LCLAT1: variants seen among roughly 807,000 people sequenced by gnomAD.
LCLAT1 encodes 1-AGP acyltransferase 8.
Under a neutral mutation model 30.7 loss-of-function variants are expected in LCLAT1, and 11 were observed. The observed-to-expected ratio is 0.36, with a 90% confidence interval of 0.23 to 0.59. The LOEUF is 0.59. LCLAT1 is among the 20% of genes least tolerant of loss of function. The pLI, the probability that LCLAT1 is intolerant of heterozygous loss-of-function variation, is 0.77. For missense variants in LCLAT1, 402 were observed against 458.6 expected, an observed-to-expected ratio of 0.88 and a Z score of 1.13; for synonymous variants, 155 against 151.3, an observed-to-expected ratio of 1.02 and a Z score of -0.18.
intron 1 of LCLAT1, among the ~76,000 whole-genome samples, chr2:30,491,507 A>G (rs1160070634): frequency 2.6e-5 from 4 of 152,088 alleles, no homozygotes; most frequent in Non-Finnish European, 4.4e-5. Context: ...TCTGTTAACC[A>G]TTGTGTGGTA....
In LCLAT1 at chr2:30,572,975, C is replaced by T. The variant is rs1226949937; in HGVS notation, c.628+4799C>T. Among the ~76,000 whole-genome samples, 6 of 148,706 alleles carry T rather than the reference C, an allele frequency of 4.0e-5. No individual in the cohort carries two copies. The East Asian group carries it at 1.2e-3, about 30-fold the overall frequency. On this transcript the variant is annotated intron_variant, in intron 5 of 5. Coordinates refer to ENST00000379509, the MANE Select transcript of LCLAT1 (RefSeq NM_001002257.3). ...AAAAAAATTGTGGTTCGATCGTTTTCTTTCTTTTTGCCATCAAATTGCAGA... is the reference window on the plus strand; with the variant it reads ...AAAAAAATTGTGGTTCGATCGTTTTTTTTCTTTTTGCCATCAAATTGCAGA...
intron 1 of LCLAT1, among the ~76,000 whole-genome samples, chr2:30,501,248 C>G (rs972000570): frequency 2.9e-4 from 44 of 152,304 alleles, no homozygotes; most frequent in African/African-American, 1.0e-3. Context: ...ATACTCATCT[C>G]AGTGATTGGC....
intron 1 of LCLAT1, among the ~76,000 whole-genome samples, chr2:30,475,496 T>C (rs1289910760): frequency 2.0e-5 from 3 of 152,352 alleles, no homozygotes; most frequent in Middle Eastern, 3.4e-3. Flanking sequence ...GTCCCAGCTC[T>C]ATGATAATCT....
At chr2:30,544,314 A>G (rs1664292954) in intron 3 of LCLAT1, among the ~76,000 whole-genome samples, 2 of 152,236 alleles carry the variant, frequency 1.3e-5, no homozygotes, top group Non-Finnish European at 2.9e-5. Flanking sequence ...ATCATGCTAG[A>G]AAATGGAAAC....
rs527360476 is a variant in LCLAT1, at chr2:30,488,184, A to C, written c.-4-37403A>C. Among the ~76,000 whole-genome samples, 63 of 152,360 alleles carry C rather than the reference A, an allele frequency of 4.1e-4. No homozygotes were observed. The East Asian group carries it at 5.0e-3, about 12-fold the overall frequency. On this transcript the variant is annotated intron_variant, in intron 1 of 5. Transcript: ENST00000379509. ...TTGTAGTAGTTGTAGTTACTACAGT[A>C]AATCACATGAATTTTTTTCCAGTTA...
At chr2:30,574,750 C>CAT (rs1315512899) in intron 5 of LCLAT1, among the ~76,000 whole-genome samples, 1 of 152,186 alleles carries the variant, frequency 6.6e-6, no homozygotes, top group Non-Finnish European at 1.5e-5. Flanking sequence ...CTTTGTAAGG[C>CAT]ATCTGTTCTA....
chr2:30,525,467 T>G (rs942307125), intron 1 of LCLAT1, 120 bp from the exon 2 acceptor site: 8 of 760,410 alleles, frequency 1.1e-5, no homozygotes, highest in Non-Finnish European at 1.7e-5. Context: ...TCTTATATTG[T>G]TTCTTAGAGC....
intron 1 of LCLAT1, among the ~76,000 whole-genome samples, chr2:30,471,535 TG>T (rs1682794543): frequency 6.6e-6 from 1 of 152,238 alleles, no homozygotes; most frequent in Admixed American, 6.5e-5. Context: ...TCCCTAAACC[TG>T]GTATATCCTT....
intron 5 of LCLAT1, among the ~76,000 whole-genome samples, chr2:30,612,807 C>T (rs1323179992): frequency 6.6e-6 from 1 of 152,054 alleles, no homozygotes; most frequent in Non-Finnish European, 1.5e-5. Context: ...CAAGAAGTAC[C>T]CCAGAGACAG....
chr2:30,514,103 T>C (rs1685070094), intron 1 of LCLAT1, among the ~76,000 whole-genome samples: 1 of 152,250 alleles, frequency 6.6e-6, no homozygotes, highest in Non-Finnish European at 1.5e-5. Flanking sequence ...GCTCTCTCAA[T>C]ATAAACAGTG....
At chr2:30,454,404 T>C (rs529889741) in intron 1 of LCLAT1, among the ~76,000 whole-genome samples, 1 of 152,300 alleles carries the variant, frequency 6.6e-6, no homozygotes, top group African/African-American at 2.4e-5. Flanking sequence ...TTAACATACT[T>C]CTTAATGAGA....
intron 1 of LCLAT1, 131 bp from the exon 2 acceptor site, chr2:30,525,456 C>A: frequency 2.9e-6 from 2 of 697,994 alleles, no homozygotes; most frequent in Non-Finnish European, 2.4e-6. Context: ...GAAATTCAGA[C>A]TCTTATATTG....
intron 3 of LCLAT1, among the ~76,000 whole-genome samples, chr2:30,558,149 A>G (rs1007196005): frequency 1.3e-5 from 2 of 152,162 alleles, no homozygotes; most frequent in Non-Finnish European, 2.9e-5. Flanking sequence ...ATATATTTAT[A>G]TTCTGTATAT....
chr2:30,620,435 G>C (rs969068986), intron 5 of LCLAT1, among the ~76,000 whole-genome samples: 16 of 152,130 alleles, frequency 1.1e-4, no homozygotes, highest in African/African-American at 3.1e-4. Flanking sequence ...CTCAACTAAG[G>C]AACAGATCTC....
intron 5 of LCLAT1, among the ~76,000 whole-genome samples, chr2:30,637,976 C>G (rs1669118544): frequency 6.6e-6 from 1 of 152,204 alleles, no homozygotes; most frequent in African/African-American, 2.4e-5. Context: ...TTTGCACTTC[C>G]TCTACCCCCT....
At chr2:30,590,022 A>G (rs1452252581) in intron 5 of LCLAT1, among the ~76,000 whole-genome samples, 1 of 152,102 alleles carries the variant, frequency 6.6e-6, no homozygotes, top group Non-Finnish European at 1.5e-5. Context: ...GGTGATAATC[A>G]TGTCTCCTTA....
At chr2:30,487,617 G>A (rs1171406123) in intron 1 of LCLAT1, among the ~76,000 whole-genome samples, 1 of 152,148 alleles carries the variant, frequency 6.6e-6, no homozygotes, top group Non-Finnish European at 1.5e-5. Flanking sequence ...ATAAAGTAGA[G>A]GCTTAAGGGT....
At chr2:30,590,999 A>G (rs1666670563) in intron 5 of LCLAT1, among the ~76,000 whole-genome samples, 2 of 152,124 alleles carry the variant, frequency 1.3e-5, no homozygotes, top group African/African-American at 4.8e-5. Flanking sequence ...GAGCTGATAT[A>G]TGTATTGTGA....
At chr2:30,550,003 C>A (rs1664609782) in intron 3 of LCLAT1, among the ~76,000 whole-genome samples, 1 of 152,082 alleles carries the variant, frequency 6.6e-6, no homozygotes, top group African/African-American at 2.4e-5. Flanking sequence ...TTTAGAAATG[C>A]TGTTACTGAT....
Sources: gnomAD v4.1 joint callset for allele counts (sites outside exome capture counted in the v4.1 genomes callset) on GRCh38, gnomAD v4.1.1 for gene constraint, MANE v1.5 for transcripts, NCBI Gene and HGNC (gene_info 2026-07-23, HGNC 2026-07-21) for gene names.